Variants in PRKN observed in about 807,000 individuals in gnomAD.
PRKN encodes E3 ubiquitin-protein ligase parkin.
PRKN carries 56 observed loss-of-function variants against 59.5 expected under a neutral mutation model. That is an observed-to-expected ratio of 0.94 (90% CI 0.76 to 1.18). The LOEUF (loss-of-function observed/expected upper bound fraction) is 1.18. Among genes scored for constraint, PRKN ranks in the 50% most tolerant of loss-of-function variants. The pLI, the probability that PRKN is intolerant of heterozygous loss-of-function variation, is 0.00. For synonymous variants in PRKN, 250 were observed against 222.1 expected (o/e 1.13, Z -1.12); for missense variants, 657 against 596.4 (o/e 1.10, Z -1.06).
intron 1 of PRKN, among the ~76,000 whole-genome samples, chr6:162,697,285 T>C (rs1007932962): frequency 2.0e-5 from 3 of 152,158 alleles, no homozygotes; most frequent in Non-Finnish European, 4.4e-5. Flanking sequence ...TATACAGACA[T>C]ACATCAATGA....
intron 9 of PRKN, among the ~76,000 whole-genome samples, chr6:161,508,570 G>C (rs973973904): frequency 1.3e-5 from 2 of 152,068 alleles, no homozygotes; most frequent in African/African-American, 4.8e-5. Context: ...GGAAAACATT[G>C]GTCAGCTTCC....
In PRKN at chr6:162,304,400, C is replaced by T. The variant is rs536683316; in HGVS notation, c.172-41635G>A. Among the ~76,000 whole-genome samples the T allele has an allele frequency of 6.0e-5, 9 of 150,820 alleles. No individual in the cohort carries two copies. The East Asian group carries it at 1.7e-3, about 29-fold the overall frequency. Reference sequence around the variant, plus strand: ...TTTATTTTAACACTGCTGCCTATGGCTATTAGAAAAAGTTGTTTCACACAT... The same window carrying T: ...TTTATTTTAACACTGCTGCCTATGGTTATTAGAAAAAGTTGTTTCACACAT... On this transcript the variant is annotated intron_variant, in intron 2 of 11. Transcript: ENST00000366898.
chr6:162,617,639 C>G (rs60345613), intron 1 of PRKN, among the ~76,000 whole-genome samples: 35,155 of 152,044 alleles, frequency 0.23, 4,837 homozygotes, highest in African/African-American at 0.37. Context: ...TCCTTCCACT[C>G]CAGCCTCTGC....
At chr6:161,784,740 G>A (rs754931548) in intron 7 of PRKN, among the ~76,000 whole-genome samples, 6 of 152,128 alleles carry the variant, frequency 3.9e-5, no homozygotes, top group Non-Finnish European at 8.8e-5. Context: ...GTTAAACTTC[G>A]AATTCTGCTT....
chr6:161,381,296 T>G (rs577694764), intron 10 of PRKN, among the ~76,000 whole-genome samples: 8 of 152,172 alleles, frequency 5.3e-5, no homozygotes, highest in African/African-American at 1.9e-4. Context: ...GGGACTGGAG[T>G]GGTCATCAGT....
At chr6:162,670,279 T>C (rs902784599) in intron 1 of PRKN, among the ~76,000 whole-genome samples, 1 of 152,198 alleles carries the variant, frequency 6.6e-6, no homozygotes, top group Non-Finnish European at 1.5e-5. Context: ...AAAATCTTTA[T>C]GACAATAACA....
In PRKN at chr6:162,513,457, G is replaced by T. The variant is rs186037997; in HGVS notation, c.8-69984C>A. On this transcript the variant is annotated intron_variant, in intron 1 of 11. Transcript: ENST00000366898. The stretch of plus-strand genomic sequence containing the variant: ...CCACTGCACTCCAGCCTGGGCAACA[G>T]AGTGAGATTCTGAAGAAAAGAAAAG... Among the ~76,000 whole-genome samples, 890 of 141,806 alleles carry T rather than the reference G, an allele frequency of 6.3e-3. 2 individuals are homozygous for T. Among genetic ancestry groups the T allele is most frequent in the African/African-American group, 0.021 (836 of 39,146 alleles). The allele number at this position is 141,806 out of a possible 152,430, so 93.0% of individuals were successfully genotyped here. A position where few individuals can be genotyped will look rare whatever the true frequency, so the allele number is the denominator to read the frequency against.
At chr6:162,061,953 C>T (rs1484258531) in intron 4 of PRKN, among the ~76,000 whole-genome samples, 1 of 152,184 alleles carries the variant, frequency 6.6e-6, no homozygotes, top group African/African-American at 2.4e-5. Context: ...CTGGAATATA[C>T]ACACTGTTGG....
At chr6:162,637,151 G>A (rs1213071251) in intron 1 of PRKN, among the ~76,000 whole-genome samples, 2 of 151,790 alleles carry the variant, frequency 1.3e-5, no homozygotes, top group African/African-American at 4.8e-5. Context: ...CAGCTACTCG[G>A]GAGGCTGAGG....
chr6:162,700,351 G>A (rs1259885342), intron 1 of PRKN, among the ~76,000 whole-genome samples: 1 of 152,180 alleles, frequency 6.6e-6, no homozygotes, highest in Non-Finnish European at 1.5e-5. Context: ...AAGAGATGAG[G>A]AGCTATGTTC....
chr6:161,813,629 G>T (rs2128214156), intron 6 of PRKN, among the ~76,000 whole-genome samples: 1 of 152,216 alleles, frequency 6.6e-6, no homozygotes, highest in African/African-American at 2.4e-5. Context: ...TGCCAGGCTT[G>T]CTCTGCATCC....
intron 1 of PRKN, among the ~76,000 whole-genome samples, chr6:162,683,941 CCTTT>C (rs1779870609): frequency 3.9e-5 from 6 of 152,062 alleles, no homozygotes; most frequent in Admixed American, 3.3e-4. Flanking sequence ...AAAACGTACA[CCTTT>C]CTTTATTTGA....
intron 1 of PRKN, among the ~76,000 whole-genome samples, chr6:162,703,491 G>A (rs1027315520): frequency 6.6e-6 from 1 of 152,198 alleles, no homozygotes; most frequent in African/African-American, 2.4e-5. Flanking sequence ...GGTCTCAGCA[G>A]TAGAGCTGTG....
rs57886647 is a variant in PRKN, at chr6:162,275,080, CAAAA to C, written c.172-12319_172-12316del. On this transcript the variant is annotated intron_variant, in intron 2 of 11. Transcript: ENST00000366898. ...TGGGCGACAGAGCAAGACTCTGTCT[CAAAA>C]AAAAAAAAAAAAAAAAAAGTTATAT... The C allele has an allele frequency of 1.6e-4, 12 of 76,226 alleles. No homozygotes were observed. The East Asian group carries it at 3.6e-3, about 23-fold the overall frequency. 4.7% of individuals were successfully genotyped at this position (76,226 alleles called of 1,614,324 possible). A position where few individuals can be genotyped will look rare whatever the true frequency, so the allele number is the denominator to read the frequency against.
At position 161,462,232 on chromosome 6, in the gene PRKN, A is replaced by G. The variant is rs188330116; in HGVS notation, c.1084-75355T>C. Among the ~76,000 whole-genome samples, 1 of 152,352 alleles carries G rather than the reference A, an allele frequency of 6.6e-6. No homozygotes were observed. The highest frequency in any genetic ancestry group is 1.5e-5 in the Non-Finnish European group (1 of 68,032). ...AGTCTAGTCCATCTAGAGAGATCAG[A>G]TCAAAAGTGAGCCTGAATCATTTAC... On this transcript the variant is annotated intron_variant, in intron 9 of 11. Coordinates refer to ENST00000366898, the MANE Select transcript of PRKN (RefSeq NM_004562.3). The surrounding 1 kb of genome is among the most constrained non-coding windows in gnomAD (Gnocchi z 4.5).
At chr6:162,638,065 T>TA (rs1562458489) in intron 1 of PRKN, among the ~76,000 whole-genome samples, 1 of 152,182 alleles carries the variant, frequency 6.6e-6, no homozygotes, top group East Asian at 1.9e-4. Context: ...TTTCATTTTT[T>TA]AAAAAAATAA....
At chr6:161,735,779 A>G (rs894625357) in intron 7 of PRKN, among the ~76,000 whole-genome samples, 2 of 151,930 alleles carry the variant, frequency 1.3e-5, no homozygotes, top group Admixed American at 1.3e-4. Context: ...GCTGGGTGTG[A>G]TGGAGGGCGC....
At chr6:161,713,923 C>A (rs1290425426) in intron 7 of PRKN, among the ~76,000 whole-genome samples, 4 of 152,114 alleles carry the variant, frequency 2.6e-5, no homozygotes, top group African/African-American at 4.8e-5. Flanking sequence ...GGGCAGTTCC[C>A]CTGCACACGC....
At chr6:162,033,746 CTGTG>C (rs1430487376) in intron 5 of PRKN, among the ~76,000 whole-genome samples, 1 of 152,136 alleles carries the variant, frequency 6.6e-6, no homozygotes, top group Non-Finnish European at 1.5e-5. Flanking sequence ...ATTTGGAAAA[CTGTG>C]TGAGTTATCA....
Sources: allele counts gnomAD v4.1 joint callset (sites outside exome capture counted in the v4.1 genomes callset), GRCh38; gene constraint gnomAD v4.1.1; non-coding constraint Gnocchi (gnomAD v3.1); transcripts MANE v1.5; gene names NCBI Gene and HGNC (gene_info 2026-07-23, HGNC 2026-07-21).